The following SUFU variants were observed in gnomAD, a reference collection of about 807,000 sequenced individuals.
SUFU encodes the protein SUFU negative regulator of hedgehog signaling.
In SUFU, 7 loss-of-function variants were observed where a neutral mutation model predicts 58.9. The observed-to-expected ratio is 0.12, with a 90% CI of 0.07 to 0.22. The LOEUF (loss-of-function observed/expected upper bound fraction) is 0.22. Among genes scored for constraint, SUFU ranks in the 10% least tolerant of loss-of-function variants. SUFU has a pLI of 1.00. For missense variants in SUFU, 451 were observed against 641.3 expected (o/e 0.70, Z 3.20); for synonymous variants, 232 against 254.8 (o/e 0.91, Z 0.85).
At position 102,580,039 on chromosome 10, in the gene SUFU, C is replaced by A. The variant is rs1364903675; in HGVS notation, c.455-12543C>A. ...GGTCTCCTCCCCCGCACCCCCCCCC[C>A]GCCCCCAGTTTGTTTGCTTTGTTGT... On this transcript the variant is annotated intron_variant, in intron 3 of 11. Transcript: ENST00000369902. 1.2e-4 allele frequency among the ~76,000 whole-genome samples: 17 copies of A among 139,478 alleles called. No individual in the cohort carries two copies. The South Asian group carries it at 4.1e-3, about 33-fold the overall frequency. The allele number at this position is 139,478 out of a possible 152,430, so 91.5% of individuals were successfully genotyped here.
chr10:102,632,394 C>G lies in SUFU; in HGVS notation c.*2239C>G, dbSNP rs912013356. On this transcript the variant is annotated 3_prime_UTR_variant, in exon 12 of 12. Transcript: ENST00000369902. ...TACCTGCAATATGTCAGGAGCCTCA[C>G]GCTCACCCAAGATCCTGCAGGGGCC... 2.6e-5 allele frequency: 6 copies of G among 233,114 alleles called. No individual in the cohort carries two copies. Among genetic ancestry groups the G allele is most frequent in the Non-Finnish European group, 4.2e-5 (5 of 118,062 alleles). The allele number at this position is 233,114 out of a possible 1,614,324, so 14.4% of individuals were successfully genotyped here.
At chr10:102,562,825 A>G (rs2063052401) in intron 3 of SUFU, among the ~76,000 whole-genome samples, 1 of 152,172 alleles carries the variant, frequency 6.6e-6, no homozygotes, top group Non-Finnish European at 1.5e-5. Context: ...TAGGAGGCGG[A>G]GGTTGCAGTG....
At chr10:102,509,353 TC>T (rs757910409) in intron 2 of SUFU, 50 bp downstream of exon 2, 3 of 1,608,400 alleles carry the variant, frequency 1.9e-6, no homozygotes, top group Non-Finnish European at 2.5e-6. Context: ...CCTGAGGTCT[TC>T]CTGAGCAGGG....
chr10:102,508,262 C>T (rs2062355618), intron 1 of SUFU, among the ~76,000 whole-genome samples: 1 of 152,122 alleles, frequency 6.6e-6, no homozygotes, highest in African/African-American at 2.4e-5. Flanking sequence ...GTGTGAGCCA[C>T]CGTGCCCGGC....
chr10:102,512,639 A>G (rs2062414848), intron 2 of SUFU, among the ~76,000 whole-genome samples: 1 of 152,220 alleles, frequency 6.6e-6, no homozygotes, highest in Non-Finnish European at 1.5e-5. Flanking sequence ...GACAAGAGTG[A>G]AACCTCTATT....
intron 2 of SUFU, among the ~76,000 whole-genome samples, chr10:102,518,215 TATC>T (rs2062496136): frequency 6.6e-6 from 1 of 152,234 alleles, no homozygotes; most frequent in Admixed American, 6.5e-5. Context: ...TAGGACTTAT[TATC>T]CTTATTTTAC....
chr10:102,503,924 G>GGCGCCCCGCCCCCCTTA (rs1405657016), upstream of SUFU: 2 of 523,430 alleles, frequency 3.8e-6, no homozygotes, highest in Admixed American at 4.3e-5. Flanking sequence ...AGGGTGCGCC[G>GGCGCCCCGCCCCCCTTA]GCGCCCCGCC....
At chr10:102,545,537 A>G (rs2062846786) in intron 2 of SUFU, among the ~76,000 whole-genome samples, 1 of 152,126 alleles carries the variant, frequency 6.6e-6, no homozygotes, top group Admixed American at 6.6e-5. Flanking sequence ...TTTCCAAAGT[A>G]GCTCCATCAT....
chr10:102,612,217 A>ATGTGTG (rs56149900), intron 8 of SUFU, among the ~76,000 whole-genome samples: 2 of 146,012 alleles, frequency 1.4e-5, no homozygotes, highest in Admixed American at 6.7e-5. Flanking sequence ...GTGCACGCGC[A>ATGTGTG]TGTGTGTGTG....
chr10:102,558,009 C>T (rs927384976), intron 3 of SUFU, among the ~76,000 whole-genome samples: 1 of 151,938 alleles, frequency 6.6e-6, no homozygotes, highest in African/African-American at 2.4e-5. Flanking sequence ...AAGCAGTTCT[C>T]CTTCCTCAGC....
intron 3 of SUFU, among the ~76,000 whole-genome samples, chr10:102,590,208 C>T (rs1184330520): frequency 1.5e-5 from 2 of 131,182 alleles, no homozygotes; most frequent in African/African-American, 5.7e-5. Flanking sequence ...CACTGTCACC[C>T]AGGCTAGAGT....
At chr10:102,518,543 A>ATCTATCTATCTG (rs1368073993) in intron 2 of SUFU, among the ~76,000 whole-genome samples, 1 of 150,880 alleles carries the variant, frequency 6.6e-6, no homozygotes, top group Admixed American at 6.6e-5. Flanking sequence ...CTATCTATCT[A>ATCTATCTATCTG]TCTATTTATT....
intron 3 of SUFU, among the ~76,000 whole-genome samples, chr10:102,551,678 A>G (rs895587518): frequency 6.6e-6 from 1 of 150,596 alleles, no homozygotes; most frequent in Non-Finnish European, 1.5e-5. Flanking sequence ...GTGAAACAGA[A>G]CAGCACTAAT....
At chr10:102,564,965 A>C (rs1402794100) in intron 3 of SUFU, among the ~76,000 whole-genome samples, 1 of 152,212 alleles carries the variant, frequency 6.6e-6, no homozygotes, top group Non-Finnish European at 1.5e-5. Flanking sequence ...CTCAGAAATG[A>C]GTTTGTGCCC....
intron 3 of SUFU, among the ~76,000 whole-genome samples, chr10:102,562,472 G>A (rs1006346814): frequency 3.3e-5 from 5 of 152,196 alleles, no homozygotes; most frequent in East Asian, 1.9e-4. Flanking sequence ...GCAGTGAGCC[G>A]AGATCGCGCC....
intron 2 of SUFU, among the ~76,000 whole-genome samples, chr10:102,539,414 G>A (rs2062775101): frequency 6.8e-6 from 1 of 147,984 alleles, no homozygotes; most frequent in Non-Finnish European, 1.5e-5. Flanking sequence ...AATTACTGTT[G>A]ATGATGTCTA....
At chr10:102,552,237 G>C (rs1211842438) in intron 3 of SUFU, among the ~76,000 whole-genome samples, 2 of 152,116 alleles carry the variant, frequency 1.3e-5, no homozygotes, top group African/African-American at 2.4e-5. Context: ...TTGAGCTCAG[G>C]AGTTTGAGAC....
intron 3 of SUFU, among the ~76,000 whole-genome samples, chr10:102,573,846 A>G (rs769298295): frequency 5.3e-5 from 8 of 152,124 alleles, no homozygotes; most frequent in Non-Finnish European, 1.2e-4. Flanking sequence ...ATGGGGAGTT[A>G]CTGTTTACTG....
At chr10:102,598,154 C>T (rs559486382) in intron 7 of SUFU, among the ~76,000 whole-genome samples, 19 of 151,854 alleles carry the variant, frequency 1.3e-4, no homozygotes, top group Non-Finnish European at 2.5e-4. Flanking sequence ...TATTTGAGCC[C>T]TTTCTTTTTT....
Sources: allele counts gnomAD v4.1 joint callset (sites outside exome capture counted in the v4.1 genomes callset), GRCh38; gene constraint gnomAD v4.1.1; transcripts MANE v1.5; gene names NCBI Gene and HGNC (gene_info 2026-07-23, HGNC 2026-07-21).